The following RIT2 variants were observed in gnomAD, a reference collection of about 807,000 sequenced individuals.
The protein encoded by RIT2 is Ras like without CAAX 2.
RIT2 carries 24 observed loss-of-function variants against 23.7 expected under a neutral mutation model. The ratio of observed to expected loss-of-function variants is 1.01; its 90% CI spans 0.73 to 1.43. RIT2 has a LOEUF of 1.43. RIT2 is among the 40% of genes most tolerant of loss of function. The probability of loss-of-function intolerance (pLI) is 0.00; values close to 1 mark genes in which losing one functional copy is unlikely to be tolerated. For synonymous variants in RIT2, 107 were observed against 91.1 expected (o/e 1.17, Z -0.99); for missense variants, 236 against 266.9 (o/e 0.88, Z 0.81).
chr18:43,050,604 G>A (rs1912357166), intron 1 of RIT2, among the ~76,000 whole-genome samples: 1 of 151,996 alleles, frequency 6.6e-6, no homozygotes, highest in Non-Finnish European at 1.5e-5. Context: ...GGGCCTCAGG[G>A]GCAGGCCTCA....
chr18:42,794,224 A>T, intron 4 of RIT2, among the ~76,000 whole-genome samples: 1 of 152,174 alleles, frequency 6.6e-6, no homozygotes, highest in East Asian at 1.9e-4. Context: ...TAGCAGACAC[A>T]AGCAGTCAGA....
intron 4 of RIT2, among the ~76,000 whole-genome samples, chr18:42,814,970 G>A (rs1336657778): frequency 1.3e-5 from 2 of 152,144 alleles, no homozygotes; most frequent in Non-Finnish European, 2.9e-5. Context: ...ATAGGAAAAT[G>A]GGGACAGTAG....
intron 1 of RIT2, among the ~76,000 whole-genome samples, chr18:43,096,537 G>T (rs1256487155): frequency 2.0e-5 from 3 of 151,862 alleles, no homozygotes; most frequent in Non-Finnish European, 4.4e-5. Context: ...TATGGGAACA[G>T]ATTATTAACA....
intron 4 of RIT2, among the ~76,000 whole-genome samples, chr18:42,851,560 G>C (rs1284524169): frequency 6.6e-6 from 1 of 152,080 alleles, no homozygotes; most frequent in Non-Finnish European, 1.5e-5. Flanking sequence ...ACTCTTAAAA[G>C]GTAGGTAAAG....
chr18:42,930,886 T>G (rs1909308541), intron 3 of RIT2, among the ~76,000 whole-genome samples: 1 of 152,128 alleles, frequency 6.6e-6, no homozygotes, highest in Admixed American at 6.6e-5. Context: ...TTTTGTCCCT[T>G]CTTTTTGAGA....
At chr18:42,998,566 A>G (rs1471344189) in intron 2 of RIT2, among the ~76,000 whole-genome samples, 1 of 152,098 alleles carries the variant, frequency 6.6e-6, no homozygotes, top group Non-Finnish European at 1.5e-5. Flanking sequence ...TTTTAAAAAG[A>G]TCCCTTGGTG....
At chr18:42,944,912 T>G (rs188133097) in intron 3 of RIT2, among the ~76,000 whole-genome samples, 29 of 152,146 alleles carry the variant, frequency 1.9e-4, no homozygotes, top group African/African-American at 6.5e-4. Context: ...AGGAGAGAGA[T>G]TTTGTCACTT....
intron 2 of RIT2, among the ~76,000 whole-genome samples, chr18:43,003,193 A>G (rs562625647): frequency 2.6e-5 from 4 of 152,096 alleles, no homozygotes; most frequent in East Asian, 1.9e-4. Flanking sequence ...GTTATAAGTC[A>G]TTATGTTCCT....
At chr18:42,764,263 T>C (rs533081618) in intron 4 of RIT2, among the ~76,000 whole-genome samples, 1 of 152,322 alleles carries the variant, frequency 6.6e-6, no homozygotes, top group South Asian at 2.1e-4. Context: ...TGGAGAGGTC[T>C]AGAAGATAAC....
At chr18:42,857,979 G>A (rs902214571) in intron 4 of RIT2, among the ~76,000 whole-genome samples, 25 of 152,216 alleles carry the variant, frequency 1.6e-4, no homozygotes, top group African/African-American at 5.8e-4. Context: ...TCAGGAGTTC[G>A]AGACCAGCCT....
chr18:42,747,903 G>A (rs1021258389), intron 4 of RIT2, among the ~76,000 whole-genome samples: 2 of 151,990 alleles, frequency 1.3e-5, no homozygotes, highest in Admixed American at 6.6e-5. Flanking sequence ...ATGGATAAAG[G>A]ACTTAAATCT....
At chr18:42,914,576 A>G (rs981289699) in intron 4 of RIT2, among the ~76,000 whole-genome samples, 1 of 152,110 alleles carries the variant, frequency 6.6e-6, no homozygotes. Context: ...AATCAAAAAT[A>G]AAATAATTAT....
intron 2 of RIT2, among the ~76,000 whole-genome samples, chr18:42,999,973 T>G (rs1319121172): frequency 6.6e-6 from 1 of 151,972 alleles, no homozygotes; most frequent in Non-Finnish European, 1.5e-5. Flanking sequence ...TCCAATGGAG[T>G]GAAAAATCTC....
intron 4 of RIT2, among the ~76,000 whole-genome samples, chr18:42,863,222 T>C (rs1044195768): frequency 6.6e-6 from 1 of 152,168 alleles, no homozygotes; most frequent in African/African-American, 2.4e-5. Flanking sequence ...CCATCCTTAC[T>C]GAAAACTTTT....
chr18:43,103,334 T>C (rs975948147), intron 1 of RIT2, among the ~76,000 whole-genome samples: 17 of 152,180 alleles, frequency 1.1e-4, no homozygotes, highest in African/African-American at 3.4e-4. Flanking sequence ...TTTACTCCCA[T>C]AAGTATCACG....
At chr18:42,848,757 A>T (rs2144033353) in intron 4 of RIT2, among the ~76,000 whole-genome samples, 1 of 151,910 alleles carries the variant, frequency 6.6e-6, no homozygotes, top group East Asian at 1.9e-4. Context: ...GTTTTTTTTT[A>T]GTGAAAATAT....
At chr18:43,014,818 G>GA (rs1228263774) in intron 2 of RIT2, among the ~76,000 whole-genome samples, 1 of 151,470 alleles carries the variant, frequency 6.6e-6, no homozygotes, top group Admixed American at 6.6e-5. Context: ...TGATTAAATG[G>GA]AAAAATTCTT....
chr18:42,869,028 A>C (rs977652360), intron 4 of RIT2, among the ~76,000 whole-genome samples: 5 of 152,212 alleles, frequency 3.3e-5, no homozygotes, highest in Admixed American at 1.3e-4. Flanking sequence ...TGGAATCCCA[A>C]ATATATTTAA....
chr18:43,019,363 G>A (rs1360211155), intron 2 of RIT2, among the ~76,000 whole-genome samples: 1 of 151,916 alleles, frequency 6.6e-6, no homozygotes, highest in East Asian at 1.9e-4. Flanking sequence ...TTATTCCAGA[G>A]ATTCAAGGAT....
Sources: allele counts gnomAD v4.1 joint callset (sites outside exome capture counted in the v4.1 genomes callset), GRCh38; gene constraint gnomAD v4.1.1; transcripts MANE v1.5; gene names NCBI Gene and HGNC (gene_info 2026-07-23, HGNC 2026-07-21).